PDE11A: variants seen among roughly 807,000 people sequenced by gnomAD.
PDE11A encodes phosphodiesterase 11A, also known as dual 3',5'-cyclic-AMP and -GMP phosphodiesterase 11A.
Under a neutral mutation model 100.5 loss-of-function variants are expected in PDE11A, and 100 were observed. That is an observed-to-expected ratio of 1.00 (90% CI 0.85 to 1.18). The LOEUF (loss-of-function observed/expected upper bound fraction) is 1.18, where lower values mean the gene tolerates loss of function less well. Among genes scored for constraint, PDE11A ranks in the 50% most tolerant of loss-of-function variants. The probability of loss-of-function intolerance (pLI) is 0.00; values close to 1 mark genes in which losing one functional copy is unlikely to be tolerated. For missense variants in PDE11A, 1,141 were observed against 1,152.6 expected (o/e 0.99, Z 0.15); for synonymous variants, 381 against 420.8 (o/e 0.91, Z 1.16).
Position 177,715,899 on chromosome 2 carries a change from A to C in PDE11A, c.2044-4021T>G, listed in dbSNP as rs2081430585. On this transcript the variant is annotated intron_variant, in intron 12 of 19. Transcript: ENST00000286063. ...AGCATCACAAAACTCACTGTGCACC[A>C]GTGTATGTGGGTGGTGCCTGGAGAT... 2.0e-5 allele frequency among the ~76,000 whole-genome samples: 3 copies of C among 152,130 alleles called. No homozygotes were observed. In the South Asian group the frequency reaches 6.2e-4, roughly 32 times the overall value.
Position 177,941,064 on chromosome 2 carries a change from A to G in PDE11A, c.1072-35877T>C, listed in dbSNP as rs139114768. ...CTCCCAGCTGAACTCCAGGTAATGA[A>G]AGCGCCTTTCTCAGCTTTCCTGCCA... On this transcript the variant is annotated intron_variant, in intron 2 of 19. Transcript: ENST00000286063. 2.1e-3 allele frequency among the ~76,000 whole-genome samples: 327 copies of G among 152,270 alleles called. 1 individual carries two copies. The highest frequency in any genetic ancestry group is 6.9e-3 in the African/African-American group (287 of 41,560).
intron 17 of PDE11A, among the ~76,000 whole-genome samples, chr2:177,673,495 CAT>C (rs1297249202): frequency 6.6e-6 from 1 of 152,184 alleles, no homozygotes; most frequent in Admixed American, 6.5e-5. Flanking sequence ...GAATATCGCT[CAT>C]CTCTTCCCTT....
intron 3 of PDE11A, among the ~76,000 whole-genome samples, chr2:177,900,901 G>A (rs1000076908): frequency 1.3e-4 from 20 of 152,092 alleles, no homozygotes; most frequent in African/African-American, 4.8e-4. Flanking sequence ...ATTATAACTG[G>A]GCTGACCTAA....
intron 10 of PDE11A, among the ~76,000 whole-genome samples, chr2:177,756,019 T>C (rs1370925021): frequency 2.0e-5 from 3 of 152,212 alleles, no homozygotes; most frequent in African/African-American, 7.2e-5. Flanking sequence ...TTTGTAACAC[T>C]TCCTGGGAAG....
chr2:178,027,680 C>A (rs1332680927), intron 1 of PDE11A, among the ~76,000 whole-genome samples: 5 of 152,080 alleles, frequency 3.3e-5, no homozygotes, highest in Non-Finnish European at 7.4e-5. Flanking sequence ...GTCCAATTGA[C>A]CTGCTACCCA....
rs1162171327 is a variant in PDE11A, at chr2:177,877,098, A to G, written c.1303-1175T>C. ...CCCAAAGAACAGACAATGACCAGGG[A>G]CAAAGTTTCTCTGAGCTCTGGAGGA... On this transcript the variant is annotated intron_variant, in intron 4 of 19. Coordinates refer to ENST00000286063, the MANE Select transcript of PDE11A (RefSeq NM_016953.4). Among the ~76,000 whole-genome samples, 3 of 147,404 alleles carry G rather than the reference A, an allele frequency of 2.0e-5. No homozygotes were observed. The South Asian group carries it at 6.5e-4, about 32-fold the overall frequency.
intron 2 of PDE11A, among the ~76,000 whole-genome samples, chr2:178,007,460 CA>C (rs2086225307): frequency 6.6e-6 from 1 of 152,076 alleles, no homozygotes; most frequent in African/African-American, 2.4e-5. Flanking sequence ...AATTGGTGAA[CA>C]AATTATAGTT....
intron 1 of PDE11A, among the ~76,000 whole-genome samples, chr2:178,070,970 ATTCCTCTTCTT>A (rs2105872461): frequency 6.6e-6 from 1 of 152,286 alleles, no homozygotes; most frequent in African/African-American, 2.4e-5. Context: ...TTCCCCTGAC[ATTCCTCTTCTT>A]TTCCTCTTTT....
At chr2:177,987,023 A>T (rs1040282246) in intron 2 of PDE11A, among the ~76,000 whole-genome samples, 1 of 152,274 alleles carries the variant, frequency 6.6e-6, no homozygotes, top group Non-Finnish European at 1.5e-5. Context: ...CTGCAACTAC[A>T]TCCTTCAATG....
chr2:177,887,196 C>T (rs184579799), intron 4 of PDE11A, among the ~76,000 whole-genome samples: 23 of 152,208 alleles, frequency 1.5e-4, no homozygotes. Flanking sequence ...ATGGCATAAG[C>T]AAACAAAAAC....
intron 9 of PDE11A, chr2:177,797,018 G>T (rs1364351757): frequency 6.6e-6 from 1 of 152,230 alleles, no homozygotes; most frequent in Non-Finnish European, 1.5e-5. Flanking sequence ...AAGAGGAGGA[G>T]GAGGACAATA....
chr2:177,646,222 G>A (rs931631699), intron 19 of PDE11A, among the ~76,000 whole-genome samples: 2 of 152,116 alleles, frequency 1.3e-5, no homozygotes, highest in African/African-American at 4.8e-5. Flanking sequence ...GGAGTGGTGG[G>A]GACTATGGCA....
At position 177,713,996 on chromosome 2, in the gene PDE11A, T is replaced by C. The variant is rs866672772; in HGVS notation, c.2044-2118A>G. On this transcript the variant is annotated intron_variant, in intron 12 of 19. Transcript: ENST00000286063. ...ATTTCTTTTCTTTTTTCTTTTTTTT[T>C]TTTTTTTTTTTTTTTGAGACGGAGT... 2.6e-3 allele frequency among the ~76,000 whole-genome samples: 311 copies of C among 119,074 alleles called. 4 individuals carry two copies. Among genetic ancestry groups the C allele is most frequent in the African/African-American group, 8.9e-3 (287 of 32,398 alleles). The allele number at this position is 119,074 out of a possible 152,430, so 78.1% of individuals were successfully genotyped here. A position where few individuals can be genotyped will look rare whatever the true frequency, so the allele number is the denominator to read the frequency against.
At chr2:177,924,814 G>C (rs1421479482) in intron 2 of PDE11A, among the ~76,000 whole-genome samples, 1 of 147,888 alleles carries the variant, frequency 6.8e-6, no homozygotes, top group Non-Finnish European at 1.5e-5. Flanking sequence ...GTGCCATGCT[G>C]GTGTGCTGCA....
rs530220588 is a variant in PDE11A at position 177,968,395 on chromosome 2, C to T, written c.1071+45907G>A. Among the ~76,000 whole-genome samples, 4 of 152,208 alleles carry T rather than the reference C, an allele frequency of 2.6e-5. No homozygotes were observed. In the East Asian group the frequency reaches 7.7e-4, roughly 29 times the overall value. On this transcript the variant is annotated intron_variant, in intron 2 of 19. Transcript: ENST00000286063. Reference sequence around the variant, plus strand: ...CCTTTTTGTTAGATTTTGATTGATTCCTATTTTATCTAGATCACAGAAATT... The same window carrying T: ...CCTTTTTGTTAGATTTTGATTGATTTCTATTTTATCTAGATCACAGAAATT...
chr2:177,943,513 A>T (rs1187300139), intron 2 of PDE11A, among the ~76,000 whole-genome samples: 1 of 152,158 alleles, frequency 6.6e-6, no homozygotes, highest in African/African-American at 2.4e-5. Flanking sequence ...TATGCTTCTT[A>T]GACATTTGTA....
chr2:177,631,691 T>A (rs957807580), intron 19 of PDE11A, among the ~76,000 whole-genome samples: 1 of 148,354 alleles, frequency 6.7e-6, no homozygotes, highest in Non-Finnish European at 1.5e-5. Flanking sequence ...TATTTTATAA[T>A]CTCAGTTTAA....
chr2:177,722,082 G>A (rs764584926), intron 12 of PDE11A, among the ~76,000 whole-genome samples: 2 of 151,996 alleles, frequency 1.3e-5, no homozygotes, highest in Non-Finnish European at 2.9e-5. Flanking sequence ...AACACAAAGC[G>A]ACAGATTAAG....
At chr2:178,028,354 TA>T (rs1375769488) in intron 1 of PDE11A, among the ~76,000 whole-genome samples, 1 of 147,710 alleles carries the variant, frequency 6.8e-6, no homozygotes, top group East Asian at 2.0e-4. Flanking sequence ...AATATGAGAG[TA>T]GGCGTGACAT....
Sources: allele counts gnomAD v4.1 joint callset (sites outside exome capture counted in the v4.1 genomes callset), GRCh38; gene constraint gnomAD v4.1.1; transcripts MANE v1.5; gene names NCBI Gene and HGNC (gene_info 2026-07-23, HGNC 2026-07-21).